The following SYNPR variants were observed in gnomAD, a reference collection of about 807,000 sequenced individuals.
SYNPR encodes synaptoporin.
In SYNPR, 23 loss-of-function variants were observed where a neutral mutation model predicts 32.9. The ratio of observed to expected loss-of-function variants is 0.70; its 90% CI spans 0.50 to 0.99. SYNPR has a LOEUF of 0.99. Ranked by LOEUF, SYNPR falls within the 50% of genes least tolerant of loss-of-function variation. The probability of loss-of-function intolerance (pLI) is 0.00; values close to 1 mark genes in which losing one functional copy is unlikely to be tolerated. For missense variants in SYNPR, 318 were observed against 349.3 expected (o/e 0.91, Z 0.71); for synonymous variants, 146 against 135.9 (o/e 1.07, Z -0.52).
At position 63,278,884 on chromosome 3, in the gene SYNPR, C is replaced by G; in HGVS notation, c.84+142C>G. 3.0e-6 allele frequency: 3 copies of G among 996,768 alleles called. No homozygotes were observed. The South Asian group carries it at 4.9e-5, about 16-fold the overall frequency. The allele number at this position is 996,768 out of a possible 1,614,324, so 61.7% of individuals were successfully genotyped here. The stretch of plus-strand genomic sequence containing the variant: ...GCCGGGGATTTCAATCCTGCCCCCT[C>G]CTAAGATGCCGTTCCAAGGTGGTGA... On this transcript the variant is annotated intron_variant, in intron 2 of 5. Transcript: ENST00000478300.
intron 3 of SYNPR, among the ~76,000 whole-genome samples, chr3:63,539,374 G>C (rs1032500145): frequency 1.3e-5 from 2 of 152,082 alleles, no homozygotes; most frequent in African/African-American, 4.8e-5. Context: ...TTATGCATGT[G>C]TGTCCCAAAC....
rs1053359583 is a variant in SYNPR at position 63,424,177 on chromosome 3, G to A, written c.85-56655G>A. Among the ~76,000 whole-genome samples, 5 of 152,104 alleles carry A rather than the reference G, an allele frequency of 3.3e-5. No individual in the cohort carries two copies. The East Asian group carries it at 5.8e-4, about 18-fold the overall frequency. ...GTGTCAAATGTACCCTAGTAATGTC[G>A]AAAATAAAGGAAGCTGGGTGCAAGG... On this transcript the variant is annotated intron_variant, in intron 2 of 5. Transcript: ENST00000478300.
intron 3 of SYNPR, among the ~76,000 whole-genome samples, chr3:63,528,195 A>G (rs1459292885): frequency 6.6e-6 from 1 of 152,110 alleles, no homozygotes; most frequent in Non-Finnish European, 1.5e-5. Flanking sequence ...TTAACATCTC[A>G]TTTTAAACCA....
intron 2 of SYNPR, among the ~76,000 whole-genome samples, chr3:63,465,777 A>G (rs893508812): frequency 6.6e-6 from 1 of 152,150 alleles, no homozygotes; most frequent in East Asian, 1.9e-4. Flanking sequence ...GCAATAATTC[A>G]ATGTCATCAA....
chr3:63,270,697 G>A (rs2086526861), intron 3 of SYNPR, among the ~76,000 whole-genome samples: 1 of 152,140 alleles, frequency 6.6e-6, no homozygotes, highest in African/African-American at 2.4e-5. Context: ...CTATGCTTCA[G>A]TTCCATTATT....
At chr3:63,473,953 G>T (rs1345502839) in intron 2 of SYNPR, among the ~76,000 whole-genome samples, 1 of 152,192 alleles carries the variant, frequency 6.6e-6, no homozygotes, top group Admixed American at 6.5e-5. Flanking sequence ...AACTGTCTTA[G>T]TCATGTTTCC....
chr3:63,509,776 G>A (rs1701659910), intron 3 of SYNPR, among the ~76,000 whole-genome samples: 1 of 152,022 alleles, frequency 6.6e-6, no homozygotes, highest in South Asian at 2.1e-4. Context: ...AGCATAATCT[G>A]AAGCAAAAAA....
intron 3 of SYNPR, among the ~76,000 whole-genome samples, chr3:63,522,126 G>C (rs1314090337): frequency 6.6e-6 from 1 of 152,208 alleles, no homozygotes; most frequent in African/African-American, 2.4e-5. Flanking sequence ...ACTGAGTTAA[G>C]TAAATAGCAT....
At chr3:63,487,121 G>A (rs7621914) in intron 3 of SYNPR, among the ~76,000 whole-genome samples, 65,729 of 151,982 alleles carry the variant, frequency 0.43, 14,259 homozygotes, top group East Asian at 0.49. Context: ...TAACCACTGC[G>A]TCAAAATGTT....
Position 63,387,555 on chromosome 3 carries a change from T to C in SYNPR, c.85-93277T>C, listed in dbSNP as rs567697464. 1.4e-3 allele frequency among the ~76,000 whole-genome samples: 207 copies of C among 152,258 alleles called. 1 individual carries two copies. The highest frequency in any genetic ancestry group is 4.8e-3 in the African/African-American group (200 of 41,548). ...AATGTACTTTTCTAAGTTTTTTACATCTCTTCAGCAGCCAAAACAAAAAAT... is the reference window on the plus strand; with the variant it reads ...AATGTACTTTTCTAAGTTTTTTACACCTCTTCAGCAGCCAAAACAAAAAAT... On this transcript the variant is annotated intron_variant, in intron 2 of 5. Coordinates refer to ENST00000478300, the MANE Select transcript of SYNPR (RefSeq NM_001130003.2).
intron 2 of SYNPR, among the ~76,000 whole-genome samples, chr3:63,418,645 G>A (rs144718509): frequency 6.6e-6 from 1 of 152,186 alleles, no homozygotes; most frequent in African/African-American, 2.4e-5. Context: ...AAACAAAGAG[G>A]AACAAGCCAC....
chr3:63,282,514 A>C (rs550174722), intron 2 of SYNPR, among the ~76,000 whole-genome samples: 150 of 152,170 alleles, frequency 9.9e-4, no homozygotes, highest in Middle Eastern at 6.8e-3. Context: ...TGAGATTGTA[A>C]AAAAGGAAAA....
intron 1 of SYNPR, among the ~76,000 whole-genome samples, chr3:63,234,763 G>A (rs1446112584): frequency 6.6e-6 from 1 of 152,180 alleles, no homozygotes; most frequent in Non-Finnish European, 1.5e-5. Context: ...CGGGGCCAGT[G>A]GGCCTGTGCC....
At chr3:63,415,893 T>C (rs1342906221) in intron 2 of SYNPR, among the ~76,000 whole-genome samples, 3 of 152,254 alleles carry the variant, frequency 2.0e-5, no homozygotes, top group African/African-American at 7.2e-5. Context: ...TGGTCAATCA[T>C]GTAATGGCAG....
intron 2 of SYNPR, among the ~76,000 whole-genome samples, chr3:63,376,802 C>T: frequency 6.6e-6 from 1 of 152,128 alleles, no homozygotes; most frequent in African/African-American, 2.4e-5. Flanking sequence ...ATTCATGACA[C>T]TAGTTACTGT....
chr3:63,547,899 C>T (rs541999050), intron 3 of SYNPR, among the ~76,000 whole-genome samples: 54 of 152,170 alleles, frequency 3.5e-4, no homozygotes, highest in African/African-American at 1.0e-3. Context: ...AGATAACAGA[C>T]AAAAACATTT....
intron 1 of SYNPR, among the ~76,000 whole-genome samples, chr3:63,250,148 C>CA (rs1021979538): frequency 1.4e-4 from 22 of 151,978 alleles, no homozygotes; most frequent in African/African-American, 5.3e-4. Context: ...AACCATAAAT[C>CA]ATTGTATATT....
At chr3:63,550,899 C>G (rs1435793474) in intron 3 of SYNPR, among the ~76,000 whole-genome samples, 1 of 152,238 alleles carries the variant, frequency 6.6e-6, no homozygotes, top group Non-Finnish European at 1.5e-5. Flanking sequence ...TCCACCCCAT[C>G]CTGCACCACC....
At chr3:63,408,384 A>AAAGAAAGAAAGAAAT (rs2088417723) in intron 2 of SYNPR, among the ~76,000 whole-genome samples, 1 of 123,570 alleles carries the variant, frequency 8.1e-6, no homozygotes, top group South Asian at 3.0e-4. Flanking sequence ...AAGAAAGAAA[A>AAAGAAAGAAAGAAAT]GGAAGGAAGG....
Sources: allele counts gnomAD v4.1 joint callset (sites outside exome capture counted in the v4.1 genomes callset), GRCh38; gene constraint gnomAD v4.1.1; transcripts MANE v1.5; gene names NCBI Gene and HGNC (gene_info 2026-07-23, HGNC 2026-07-21).